FAM20A: variants seen among roughly 807,000 people sequenced by gnomAD.
FAM20A encodes the protein pseudokinase FAM20A.
Under a neutral mutation model 52.0 loss-of-function variants are expected in FAM20A, and 42 were observed. The ratio of observed to expected loss-of-function variants is 0.81; its 90% CI spans 0.63 to 1.04. The LOEUF (loss-of-function observed/expected upper bound fraction) is 1.04, where lower values mean the gene tolerates loss of function less well. Among genes scored for constraint, FAM20A ranks in the 50% least tolerant of loss-of-function variants. The pLI, the probability that FAM20A is intolerant of heterozygous loss-of-function variation, is 0.00. For missense variants in FAM20A, 742 were observed against 712.7 expected, an observed-to-expected ratio of 1.04 and a Z score of -0.47; for synonymous variants, 304 against 298.9, an observed-to-expected ratio of 1.02 and a Z score of -0.18.
Position 68,550,955 on chromosome 17 carries a change from G to A in FAM20A, c.719+918C>T, listed in dbSNP as rs1476015378. ...AACCATCTACTGGGGCTCTCAATGG[G>A]CCTCCCCTTGAATGGCTGAAGGTTT... On this transcript the variant is annotated intron_variant, in intron 4 of 10. Coordinates refer to ENST00000592554, the MANE Select transcript of FAM20A (RefSeq NM_017565.4). 1.1e-5 allele frequency: 8 copies of A among 747,504 alleles called. 1 individual carries two copies. The highest frequency in any genetic ancestry group is 3.1e-4 in the Middle Eastern group (1 of 3,196). 46.3% of individuals were successfully genotyped at this position (747,504 alleles called of 1,614,324 possible). A position where few individuals can be genotyped will look rare whatever the true frequency, so the allele number is the denominator to read the frequency against.
At chr17:68,540,126 A>G (rs928871754) in intron 8 of FAM20A, among the ~76,000 whole-genome samples, 160 bp from the exon 9 acceptor site, 12 of 152,156 alleles carry the variant, frequency 7.9e-5, no homozygotes, top group Admixed American at 7.9e-4. Flanking sequence ...GCCATCAGTG[A>G]AGCAGCCGCA....
At chr17:68,574,064 C>T (rs1207379127) in intron 1 of FAM20A, among the ~76,000 whole-genome samples, 2 of 151,912 alleles carry the variant, frequency 1.3e-5, no homozygotes, top group Non-Finnish European at 2.9e-5. Flanking sequence ...TGGGAACTCT[C>T]TCTAGAGTTC....
rs1310040487 is a variant in FAM20A at position 68,600,237 on chromosome 17, T to G, written c.404+26A>C. The G allele has an allele frequency of 6.5e-7, 1 of 1,549,938 alleles. No homozygotes were observed. The highest frequency in any genetic ancestry group is 1.9e-5 in the Admixed American group (1 of 51,472). ...GAGGCCCCGGCCAGAGCGCCCGCTCTCCCGCGTCCCGGGCGGGGTCCTCAC... is the reference window on the plus strand; with the variant it reads ...GAGGCCCCGGCCAGAGCGCCCGCTCGCCCGCGTCCCGGGCGGGGTCCTCAC... On this transcript the variant is annotated intron_variant, in intron 1 of 10. Transcript: ENST00000592554. The surrounding 1 kb of genome is among the most constrained non-coding windows in gnomAD (Gnocchi z 6.2).
At chr17:68,585,910 G>C (rs2088154235) in intron 1 of FAM20A, among the ~76,000 whole-genome samples, 1 of 152,176 alleles carries the variant, frequency 6.6e-6, no homozygotes, top group Middle Eastern at 3.2e-3. Flanking sequence ...TCCTCTCTTG[G>C]AGGAGGTGAG....
intron 8 of FAM20A, 54 bp downstream of exon 8, chr17:68,540,795 C>T: frequency 1.9e-6 from 3 of 1,554,986 alleles, no homozygotes; most frequent in Non-Finnish European, 2.6e-6. Context: ...CACGGGGAAC[C>T]CTAGCCACAT....
At chr17:68,551,784 A>T (rs1291515786) in intron 4 of FAM20A, 89 bp downstream of exon 4, 2 of 870,840 alleles carry the variant, frequency 2.3e-6, no homozygotes, top group Non-Finnish European at 3.8e-6. Context: ...ACTGGCAGAA[A>T]GACTTTAGGT....
At chr17:68,590,388 G>A (rs1446266420) in intron 1 of FAM20A, 3 of 152,106 alleles carry the variant, frequency 2.0e-5, no homozygotes, top group East Asian at 1.9e-4. Context: ...TTACACACAG[G>A]TATCTTCGCT....
At chr17:68,538,435 CAAATG>C (rs1251091385) in intron 10 of FAM20A, among the ~76,000 whole-genome samples, 1 of 152,232 alleles carries the variant, frequency 6.6e-6, no homozygotes, top group Non-Finnish European at 1.5e-5. Flanking sequence ...CAGCTGGAAA[CAAATG>C]AGATGTTTTT....
chr17:68,569,929 A>G (rs1228919191), intron 1 of FAM20A, among the ~76,000 whole-genome samples: 2 of 152,160 alleles, frequency 1.3e-5, no homozygotes, highest in Non-Finnish European at 2.9e-5. Context: ...TGCGTTGCAC[A>G]GTGTCTCTCT....
intron 4 of FAM20A, chr17:68,551,398 T>C (rs2086828292): frequency 3.1e-6 from 1 of 321,350 alleles, no homozygotes. Context: ...CCGTAAACTT[T>C]TTGATGTCAA....
chr17:68,541,094 A>G, intron 7 of FAM20A, 136 bp from the exon 8 acceptor site: 1 of 1,364,490 alleles, frequency 7.3e-7, no homozygotes, highest in Non-Finnish European at 1.0e-6. Flanking sequence ...TCTAAAATTC[A>G]GAAAGGCCCT....
Position 68,537,449 on chromosome 17 carries a change from A to AT in FAM20A, c.*27dup. On this transcript the variant is annotated 3_prime_UTR_variant, in exon 11 of 11. Coordinates refer to ENST00000592554, the MANE Select transcript of FAM20A (RefSeq NM_017565.4). This position sits in a 1 kb window ranked among gnomAD's most constrained non-coding sequence, Gnocchi z 4.2. ...AGTCGACTGCTCTGGCTCCAGGCGT[A>AT]TTTTCTGAAACTGGACTCTGCCAGC... 6.2e-7 allele frequency: 1 copy of AT among 1,613,758 alleles called. No homozygotes were observed. Among genetic ancestry groups the AT allele is most frequent in the Non-Finnish European group, 8.5e-7 (1 of 1,179,948 alleles).
At chr17:68,545,811 A>G (rs931175346) in intron 4 of FAM20A, among the ~76,000 whole-genome samples, 1 of 152,208 alleles carries the variant, frequency 6.6e-6, no homozygotes, top group Non-Finnish European at 1.5e-5. Context: ...AACAATGTTC[A>G]CAGCGTCTTC....
intron 1 of FAM20A, chr17:68,575,028 G>A (rs1434765040): frequency 4.6e-5 from 7 of 152,072 alleles, no homozygotes; most frequent in South Asian, 2.1e-4. Context: ...GCCACTAGTC[G>A]ATAGGTACAA....
chr17:68,542,188 G>A, intron 6 of FAM20A, 23 bp from the exon 7 acceptor site: 1 of 1,613,446 alleles, frequency 6.2e-7, no homozygotes, highest in Non-Finnish European at 8.5e-7. Context: ...GAGGAGAGAG[G>A]AGGAGTAAGT....
intron 10 of FAM20A, among the ~76,000 whole-genome samples, chr17:68,538,848 G>A (rs986736091): frequency 2.0e-5 from 3 of 152,198 alleles, no homozygotes; most frequent in South Asian, 2.1e-4. Flanking sequence ...AAGACAAAAC[G>A]TTGTGGGGGA....
At chr17:68,570,599 T>G (rs778803476) in intron 1 of FAM20A, among the ~76,000 whole-genome samples, 6 of 152,224 alleles carry the variant, frequency 3.9e-5, no homozygotes, top group Non-Finnish European at 7.3e-5. Context: ...CCTCCCATTC[T>G]TCCTTCTTTC....
intron 4 of FAM20A, among the ~76,000 whole-genome samples, chr17:68,546,810 A>G (rs1401742652): frequency 1.5e-5 from 2 of 137,412 alleles, no homozygotes; most frequent in Non-Finnish European, 3.1e-5. Context: ...AGCCTGGGCG[A>G]GAGTGCGAGA....
chr17:68,561,591 C>CTTTT (rs5821662), intron 1 of FAM20A, among the ~76,000 whole-genome samples: 154 of 128,926 alleles, frequency 1.2e-3, no homozygotes, highest in African/African-American at 4.0e-3. Flanking sequence ...TTTGATTGCT[C>CTTTT]TTTTTTTTTT....
Sources: allele counts gnomAD v4.1 joint callset (sites outside exome capture counted in the v4.1 genomes callset), GRCh38; gene constraint gnomAD v4.1.1; non-coding constraint Gnocchi (gnomAD v3.1); transcripts MANE v1.5; gene names NCBI Gene and HGNC (gene_info 2026-07-23, HGNC 2026-07-21).